The following EPC2 variants were observed in gnomAD, a reference collection of about 807,000 sequenced individuals.
EPC2 encodes enhancer of polycomb 2.
EPC2 carries 14 observed loss-of-function variants against 92.1 expected under a neutral mutation model. The observed-to-expected ratio is 0.15, with a 90% CI of 0.10 to 0.24. The LOEUF is 0.24. EPC2 is among the 10% of genes least tolerant of loss of function. EPC2 has a pLI of 1.00. For missense variants in EPC2, 755 were observed against 971.5 expected (o/e 0.78, Z 2.96); for synonymous variants, 340 against 334.7 (o/e 1.02, Z -0.17).
At chr2:148,676,385 T>TATCTTG (rs955145156) in intron 1 of EPC2, among the ~76,000 whole-genome samples, 1 of 152,074 alleles carries the variant, frequency 6.6e-6, no homozygotes, top group Admixed American at 6.5e-5. Context: ...TGATTTTGTG[T>TATCTTG]ATCTTGGTGA....
intron 11 of EPC2, among the ~76,000 whole-genome samples, chr2:148,782,904 A>G (rs1373351743): frequency 2.0e-5 from 3 of 152,188 alleles, no homozygotes; most frequent in African/African-American, 7.2e-5. Context: ...GGTTTACTCA[A>G]TTTTGGTTAT....
Position 148,770,943 on chromosome 2 carries a change from G to A in EPC2, c.1376+6G>A. ...CGAATTGGCAGAGGTGGAAGGTGAA[G>A]TATTTGTTTTCACCTGGTTTTTGTT... On this transcript the variant is annotated splice_donor_region_variant and intron_variant, in intron 9 of 13. Coordinates refer to ENST00000258484, the MANE Select transcript of EPC2 (RefSeq NM_015630.4). 6.2e-7 allele frequency: 1 copy of A among 1,607,078 alleles called. No individual in the cohort carries two copies. The highest frequency in any genetic ancestry group is 1.1e-5 in the South Asian group (1 of 89,008).
At chr2:148,687,167 A>G (rs1352484365) in intron 1 of EPC2, among the ~76,000 whole-genome samples, 2 of 152,088 alleles carry the variant, frequency 1.3e-5, no homozygotes, top group South Asian at 2.1e-4. Flanking sequence ...TGTTATGGAG[A>G]TGGATTTTTG....
At chr2:148,752,679 G>T (rs1292158193) in intron 3 of EPC2, among the ~76,000 whole-genome samples, 4 of 152,138 alleles carry the variant, frequency 2.6e-5, no homozygotes, top group Non-Finnish European at 4.4e-5. Context: ...TCTTCCTGTG[G>T]TCAAACTAGG....
chr2:148,771,044 G>T lies in EPC2; in HGVS notation c.1377G>T (p.Arg459Ser). 1 of 1,600,436 alleles carries T rather than the reference G, an allele frequency of 6.2e-7. No homozygotes were observed. The highest frequency in any genetic ancestry group is 8.5e-7 in the Non-Finnish European group (1 of 1,174,178). Residue 459 changes from arginine to serine, a missense_variant and splice_region_variant, in exon 10 of 14, where the codon AGG becomes AGT. Transcript: ENST00000258484. ...TATTTGGTTTTATTTTGCTTTTCAG[G>T]GTCATAATGGACCGAATATCCACAG... Reference protein sequence around the residue: ...FARRRIGRGGRVIMDRISTEH... With the variant: ...FARRRIGRGGSVIMDRISTEH...
Position 148,757,862 on chromosome 2 carries a change from A to G in EPC2, c.666+3729A>G, listed in dbSNP as rs185484356. Among the ~76,000 whole-genome samples the G allele has an allele frequency of 8.0e-4, 121 of 152,028 alleles. 2 individuals are homozygous for G. The highest frequency in any genetic ancestry group is 7.9e-3 in the Admixed American group (120 of 15,278). The stretch of plus-strand genomic sequence containing the variant: ...AAAATAATAAAATAAAATATATAAA[A>G]TAAAATACTGTATAAAATAAAATAA... On this transcript the variant is annotated intron_variant, in intron 4 of 13. Coordinates refer to ENST00000258484, the MANE Select transcript of EPC2 (RefSeq NM_015630.4).
At chr2:148,765,270 C>G (rs1683387007) in intron 7 of EPC2, 124 bp downstream of exon 7, 1 of 563,488 alleles carries the variant, frequency 1.8e-6, no homozygotes, top group East Asian at 3.3e-5. Flanking sequence ...ATAGCATAAA[C>G]ATTTCCACAG....
intron 1 of EPC2, among the ~76,000 whole-genome samples, chr2:148,652,979 T>C (rs1306418665): frequency 6.6e-6 from 1 of 152,192 alleles, no homozygotes; most frequent in South Asian, 2.1e-4. Flanking sequence ...TTTTCTAGTA[T>C]CATTTTTCTC....
intron 2 of EPC2, among the ~76,000 whole-genome samples, chr2:148,726,758 G>GTTTTT (rs1448355101): frequency 4.0e-5 from 3 of 75,268 alleles, no homozygotes; most frequent in African/African-American, 8.8e-5. Context: ...TTTTTGTTTT[G>GTTTTT]TTTTTTGTTT....
At chr2:148,683,540 A>G (rs903311957) in intron 1 of EPC2, among the ~76,000 whole-genome samples, 1 of 152,116 alleles carries the variant, frequency 6.6e-6, no homozygotes, top group Non-Finnish European at 1.5e-5. Flanking sequence ...TACTGGGATT[A>G]CAGCTGTGAG....
In EPC2 at chr2:148,644,947, C is replaced by T. The variant is rs921343381; in HGVS notation, c.-71C>T. Reference sequence around the variant, plus strand: ...CTGAGGAAGGAGGTGGAGGAGGCGGCGGGAGTCCTCCCCCCCTCCCCGCCC... The same window carrying T: ...CTGAGGAAGGAGGTGGAGGAGGCGGTGGGAGTCCTCCCCCCCTCCCCGCCC... On this transcript the variant is annotated 5_prime_UTR_variant, in exon 1 of 14. Coordinates refer to ENST00000258484, the MANE Select transcript of EPC2 (RefSeq NM_015630.4). The T allele has an allele frequency of 3.5e-5, 46 of 1,317,816 alleles. No homozygotes were observed. Among genetic ancestry groups the T allele is most frequent in the Non-Finnish European group, 4.6e-5 (43 of 944,620 alleles). 81.6% of individuals were successfully genotyped at this position (1,317,816 alleles called of 1,614,324 possible).
intron 1 of EPC2, among the ~76,000 whole-genome samples, chr2:148,689,337 C>T (rs1419598213): frequency 2.0e-5 from 3 of 151,950 alleles, no homozygotes; most frequent in South Asian, 2.1e-4. Flanking sequence ...CCACTACGCC[C>T]GGCTAATTTT....
At chr2:148,697,219 G>A (rs533036192) in intron 2 of EPC2, among the ~76,000 whole-genome samples, 3 of 152,126 alleles carry the variant, frequency 2.0e-5, no homozygotes, top group Admixed American at 1.3e-4. Context: ...CTTAGTCATG[G>A]TTCATCATTA....
chr2:148,656,020 T>G (rs1389305922), intron 1 of EPC2, among the ~76,000 whole-genome samples: 1 of 78,254 alleles, frequency 1.3e-5, no homozygotes, highest in Non-Finnish European at 2.6e-5. Flanking sequence ...TGTGTGTGTG[T>G]GTGTGGGGGG....
At chr2:148,781,537 G>A (rs1229049837) in intron 10 of EPC2, 107 bp from the exon 11 acceptor site, 7 of 1,039,042 alleles carry the variant, frequency 6.7e-6, no homozygotes, top group South Asian at 3.7e-5. Flanking sequence ...ATTGTAATTT[G>A]TAATTGCTTT....
intron 1 of EPC2, among the ~76,000 whole-genome samples, chr2:148,675,335 C>G (rs558217627): frequency 1.3e-5 from 2 of 152,158 alleles, no homozygotes; most frequent in African/African-American, 4.8e-5. Flanking sequence ...TCCCTAAATG[C>G]TACTTTTGAG....
rs547034068 is a variant in EPC2, at chr2:148,688,311, C to A, written c.154-1903C>A. Among the ~76,000 whole-genome samples the A allele has an allele frequency of 3.3e-5, 5 of 151,260 alleles. No individual in the cohort carries two copies. The East Asian group carries it at 7.8e-4, about 24-fold the overall frequency. On this transcript the variant is annotated intron_variant, in intron 1 of 13. Transcript: ENST00000258484. The stretch of plus-strand genomic sequence containing the variant: ...CATTCTCAGCAAACTATTGCAAGGG[C>A]AAAAAATCAAACACCACATGTGCTC...
chr2:148,689,523 T>C (rs1681602095), intron 1 of EPC2, among the ~76,000 whole-genome samples: 1 of 152,164 alleles, frequency 6.6e-6, no homozygotes, highest in African/African-American at 2.4e-5. Context: ...AGATCAGAAA[T>C]CCTTTATGGG....
rs1683867817 is a variant in EPC2, at chr2:148,786,414, G to T, written c.*37G>T. On this transcript the variant is annotated 3_prime_UTR_variant, in exon 14 of 14. Transcript: ENST00000258484. ...TGGCTCTGACCTGTGCTGATGGTGT[G>T]CAGTCATTCATATTCCAGCTGAATG... is the stretch of plus-strand genomic sequence containing the variant. 6.5e-7 allele frequency: 1 copy of T among 1,537,014 alleles called. No individual in the cohort carries two copies. The highest frequency in any genetic ancestry group is 8.9e-7 in the Non-Finnish European group (1 of 1,121,360).
Sources: gnomAD v4.1 joint callset for allele counts (sites outside exome capture counted in the v4.1 genomes callset) on GRCh38, gnomAD v4.1.1 for gene constraint, MANE v1.5 for transcripts, NCBI Gene and HGNC (gene_info 2026-07-23, HGNC 2026-07-21) for gene names.